The following RORA variants were observed in gnomAD, a reference collection of about 807,000 sequenced individuals.
RORA encodes the protein RAR related orphan receptor A.
A neutral mutation model predicts 69.5 loss-of-function variants in RORA; 7 were observed. That is an observed-to-expected ratio of 0.10 (90% CI 0.06 to 0.19). The LOEUF (loss-of-function observed/expected upper bound fraction) is 0.19. Among genes scored for constraint, RORA ranks in the 10% least tolerant of loss-of-function variants. The probability of loss-of-function intolerance (pLI) is 1.00; values close to 1 mark genes in which losing one functional copy is unlikely to be tolerated. For missense variants in RORA, 457 were observed against 663.0 expected (o/e 0.69, Z 3.41); for synonymous variants, 261 against 240.8 (o/e 1.08, Z -0.78).
At chr15:61,000,047 G>A (rs1047321221) in intron 1 of RORA, among the ~76,000 whole-genome samples, 2 of 152,070 alleles carry the variant, frequency 1.3e-5, no homozygotes, top group African/African-American at 4.8e-5. Flanking sequence ...CAGATCAACA[G>A]CTGGAAAAGC....
chr15:61,220,288 C>A (rs915819832), intron 1 of RORA, among the ~76,000 whole-genome samples: 1 of 152,212 alleles, frequency 6.6e-6, no homozygotes, highest in African/African-American at 2.4e-5. Context: ...TTGCCCTGTC[C>A]CTTCAGATAT....
chr15:61,227,386 C>A (rs1285924112), intron 1 of RORA, among the ~76,000 whole-genome samples: 5 of 152,132 alleles, frequency 3.3e-5, no homozygotes, highest in Non-Finnish European at 7.3e-5. Flanking sequence ...AGGTCCAGGC[C>A]CCCAGCCCTC....
chr15:60,644,222 G>T (rs910530542), intron 2 of RORA, among the ~76,000 whole-genome samples: 2 of 152,156 alleles, frequency 1.3e-5, no homozygotes, highest in Non-Finnish European at 2.9e-5. Flanking sequence ...AACAACCAGG[G>T]AAGGCTTCTG....
At chr15:60,641,246 C>T (rs2069939709) in intron 2 of RORA, among the ~76,000 whole-genome samples, 1 of 152,044 alleles carries the variant, frequency 6.6e-6, no homozygotes, top group African/African-American at 2.4e-5. Flanking sequence ...GCCACCACAC[C>T]TGGTGTGGGA....
intron 1 of RORA, among the ~76,000 whole-genome samples, chr15:60,908,984 G>A (rs1486570151): frequency 1.3e-5 from 2 of 151,992 alleles, no homozygotes; most frequent in Admixed American, 6.6e-5. Flanking sequence ...TCCCTCAGTG[G>A]CTAAACCTCT....
intron 1 of RORA, among the ~76,000 whole-genome samples, chr15:60,752,069 C>T (rs1368854437): frequency 6.6e-6 from 1 of 151,556 alleles, no homozygotes; most frequent in African/African-American, 2.4e-5. Flanking sequence ...CCGAGCTAGG[C>T]TGAGTCTTCT....
intron 1 of RORA, among the ~76,000 whole-genome samples, chr15:61,021,484 T>A (rs1895518495): frequency 6.6e-6 from 1 of 152,172 alleles, no homozygotes; most frequent in African/African-American, 2.4e-5. Context: ...ATATTTACAA[T>A]AACTCTGAGG....
chr15:60,900,074 T>G (rs987682982), intron 1 of RORA, among the ~76,000 whole-genome samples: 1 of 152,242 alleles, frequency 6.6e-6, no homozygotes, highest in Non-Finnish European at 1.5e-5. Flanking sequence ...TTAATTGCTG[T>G]GGGTTAAGCT....
chr15:60,799,183 T>C (rs1366075372), intron 1 of RORA, among the ~76,000 whole-genome samples: 1 of 152,182 alleles, frequency 6.6e-6, no homozygotes, highest in African/African-American at 2.4e-5. Flanking sequence ...CAGCTAACTA[T>C]TCTTCTGTAA....
At chr15:60,541,375 A>T (rs754276604) in intron 2 of RORA, among the ~76,000 whole-genome samples, 1 of 152,256 alleles carries the variant, frequency 6.6e-6, no homozygotes, top group Non-Finnish European at 1.5e-5. Flanking sequence ...TCAGCCAGGC[A>T]TACTAATGAC....
intron 1 of RORA, among the ~76,000 whole-genome samples, chr15:60,888,631 T>G (rs1343535518): frequency 2.6e-5 from 4 of 152,184 alleles, no homozygotes; most frequent in Non-Finnish European, 5.9e-5. Flanking sequence ...ACACATGGCA[T>G]TTCTGGGCAC....
At chr15:61,127,896 C>G (rs1034225845) in intron 1 of RORA, among the ~76,000 whole-genome samples, 2 of 152,068 alleles carry the variant, frequency 1.3e-5, no homozygotes, top group Non-Finnish European at 2.9e-5. Flanking sequence ...GGCCAGCCAC[C>G]GGACCCCCAC....
At chr15:60,666,484 C>CA (rs1159170231) in intron 2 of RORA, among the ~76,000 whole-genome samples, 2 of 151,374 alleles carry the variant, frequency 1.3e-5, no homozygotes, top group African/African-American at 4.9e-5. Flanking sequence ...CACACCCGGC[C>CA]AAAAAAATTA....
At chr15:60,592,672 A>AGCGGC in intron 2 of RORA, 1 of 1,063,702 alleles carries the variant, frequency 9.4e-7, no homozygotes, top group African/African-American at 1.7e-5. Context: ...GGCGCGCCCC[A>AGCGGC]GCGCCGCGCC....
intron 1 of RORA, among the ~76,000 whole-genome samples, chr15:60,719,918 A>ACGGGG (rs2071270495): frequency 6.6e-6 from 1 of 152,130 alleles, no homozygotes. Context: ...CTCTAAATAT[A>ACGGGG]CGGGGCGTAG....
chr15:61,180,929 C>T lies in RORA; in HGVS notation c.166+48124G>A, dbSNP rs772795047. ...GACCAGTCTGGCCAATATGGCGAAA[C>T]CTCTTCTCTACTAAAAATATAAAAA... On this transcript the variant is annotated intron_variant, in intron 1 of 10. Transcript: ENST00000335670. Among the ~76,000 whole-genome samples the T allele has an allele frequency of 3.3e-4, 50 of 152,040 alleles. 1 individual carries two copies. Among genetic ancestry groups the T allele is most frequent in the Non-Finnish European group, 2.9e-5 (2 of 68,006 alleles).
chr15:61,079,466 C>T (rs2078505006), intron 1 of RORA, among the ~76,000 whole-genome samples: 4 of 152,214 alleles, frequency 2.6e-5, no homozygotes, highest in African/African-American at 9.6e-5. Context: ...TAACCAGTCA[C>T]AGTCCCACTC....
intron 2 of RORA, among the ~76,000 whole-genome samples, chr15:60,544,477 T>A (rs1595947294): frequency 6.6e-6 from 1 of 151,662 alleles, no homozygotes; most frequent in African/African-American, 2.4e-5. Flanking sequence ...TCCCTGCTTT[T>A]TTTTGTTGTT....
intron 1 of RORA, among the ~76,000 whole-genome samples, chr15:61,164,010 C>T (rs1351924030): frequency 1.3e-5 from 2 of 152,130 alleles, no homozygotes; most frequent in African/African-American, 2.4e-5. Context: ...AGTTTAAACA[C>T]CTATGCAACC....
Sources: gnomAD v4.1 joint callset for allele counts (sites outside exome capture counted in the v4.1 genomes callset) on GRCh38, gnomAD v4.1.1 for gene constraint, MANE v1.5 for transcripts, NCBI Gene and HGNC (gene_info 2026-07-23, HGNC 2026-07-21) for gene names.